The following PARD3 variants were observed in gnomAD, a reference collection of about 807,000 sequenced individuals.
PARD3 encodes the protein par-3 family cell polarity regulator.
PARD3 carries 75 observed loss-of-function variants against 155.4 expected under a neutral mutation model. The observed-to-expected ratio is 0.48, with a 90% CI of 0.40 to 0.58. The LOEUF is 0.58. Ranked by LOEUF, PARD3 falls within the 20% of genes least tolerant of loss-of-function variation. PARD3 has a pLI of 0.00. For missense variants in PARD3, 1,642 were observed against 1,721.7 expected, an observed-to-expected ratio of 0.95 and a Z score of 0.82; for synonymous variants, 576 against 610.5, an observed-to-expected ratio of 0.94 and a Z score of 0.83.
intron 1 of PARD3, among the ~76,000 whole-genome samples, chr10:34,796,680 T>G (rs1463617108): frequency 1.3e-5 from 2 of 152,212 alleles, no homozygotes; most frequent in African/African-American, 2.4e-5. Context: ...GCCCTGAAAG[T>G]ACCCTTGAAG....
chr10:34,744,511 T>C (rs191930237), intron 1 of PARD3, among the ~76,000 whole-genome samples: 1 of 152,376 alleles, frequency 6.6e-6, no homozygotes. Context: ...CACCTGCTAA[T>C]GCCCAGCAAC....
At chr10:34,141,033 C>A (rs2132863223) in intron 22 of PARD3, among the ~76,000 whole-genome samples, 1 of 152,184 alleles carries the variant, frequency 6.6e-6, no homozygotes, top group Non-Finnish European at 1.5e-5. Context: ...TTGTTATAGT[C>A]TTTGCATTTT....
chr10:34,624,994 GAAA>G (rs1213608722), intron 2 of PARD3, among the ~76,000 whole-genome samples: 1 of 152,194 alleles, frequency 6.6e-6, no homozygotes, highest in Non-Finnish European at 1.5e-5. Context: ...CAAGAGCTAA[GAAA>G]GGTGACCTCT....
At chr10:34,318,194 C>T (rs1201306746) in intron 19 of PARD3, among the ~76,000 whole-genome samples, 1 of 152,180 alleles carries the variant, frequency 6.6e-6, no homozygotes, top group East Asian at 1.9e-4. Flanking sequence ...CGACAAGTAA[C>T]TGAAGTAAGT....
chr10:34,260,646 G>A (rs2133801617), intron 22 of PARD3, among the ~76,000 whole-genome samples: 1 of 152,278 alleles, frequency 6.6e-6, no homozygotes, highest in African/African-American at 2.4e-5. Context: ...GTTGGATGGA[G>A]CACATTAATT....
At chr10:34,597,773 C>A (rs544220016) in intron 2 of PARD3, among the ~76,000 whole-genome samples, 1 of 152,076 alleles carries the variant, frequency 6.6e-6, no homozygotes, top group Non-Finnish European at 1.5e-5. Flanking sequence ...GGGGACCACA[C>A]CTTGACCCTG....
chr10:34,544,132 A>C (rs952886347), intron 2 of PARD3, among the ~76,000 whole-genome samples: 2 of 152,202 alleles, frequency 1.3e-5, no homozygotes. Flanking sequence ...AAAGGATCCT[A>C]GCCTAACTTT....
intron 5 of PARD3, among the ~76,000 whole-genome samples, chr10:34,424,199 G>A (rs1241328603): frequency 1.3e-5 from 2 of 152,148 alleles, no homozygotes; most frequent in Admixed American, 6.6e-5. Flanking sequence ...AGCAATGCAT[G>A]CAGGGGATGA....
Position 34,137,539 on chromosome 10 carries a change from G to C in PARD3, c.3420-5956C>G, listed in dbSNP as rs552590124. On this transcript the variant is annotated intron_variant, in intron 22 of 24. Transcript: ENST00000374788. ...TGTGTTGTTTTAAGCTGCAAAGTTT[G>C]TGTTACTTTGTTTTGTAGCAAAAGA... Among the ~76,000 whole-genome samples the C allele has an allele frequency of 3.3e-5, 5 of 152,340 alleles. No homozygotes were observed. The East Asian group carries it at 9.6e-4, about 29-fold the overall frequency.
At chr10:34,665,906 A>AGAACAGAACAGAACAAAAAG (rs1554804216) in intron 2 of PARD3, among the ~76,000 whole-genome samples, 7 of 147,260 alleles carry the variant, frequency 4.8e-5, no homozygotes, top group East Asian at 2.0e-4. Context: ...AGAACAGAAC[A>AGAACAGAACAGAACAAAAAG]AAAAGAAAAG....
chr10:34,211,372 C>G lies in PARD3; in HGVS notation c.3419+58285G>C, dbSNP rs760740426. On this transcript the variant is annotated intron_variant, in intron 22 of 24. Coordinates refer to ENST00000374788, the MANE Select transcript of PARD3 (RefSeq NM_001184785.2). Reference sequence around the variant, plus strand: ...CTCTTTCAGATCACAGTTAGGCCAGCGGGAAGGGAGTGAGGATACACTTAC... The same window carrying G: ...CTCTTTCAGATCACAGTTAGGCCAGGGGGAAGGGAGTGAGGATACACTTAC... Among the ~76,000 whole-genome samples, 4 of 152,122 alleles carry G rather than the reference C, an allele frequency of 2.6e-5. No homozygotes were observed. In the South Asian group the frequency reaches 8.3e-4, roughly 32 times the overall value.
chr10:34,421,065 C>T (rs1236468470), intron 5 of PARD3, among the ~76,000 whole-genome samples: 1 of 152,112 alleles, frequency 6.6e-6, no homozygotes, highest in African/African-American at 2.4e-5. Flanking sequence ...GTTCCAGCTA[C>T]TCAAGAGGCT....
chr10:34,230,081 C>A (rs1055327495), intron 22 of PARD3, among the ~76,000 whole-genome samples: 20 of 152,110 alleles, frequency 1.3e-4, no homozygotes, highest in Admixed American at 1.2e-3. Context: ...TATGAATAAC[C>A]TTTCCTTGCC....
intron 2 of PARD3, among the ~76,000 whole-genome samples, chr10:34,687,482 C>T (rs1782245128): frequency 6.6e-6 from 1 of 152,174 alleles, no homozygotes; most frequent in African/African-American, 2.4e-5. Flanking sequence ...CAGCAATCTC[C>T]ACCACAATCC....
chr10:34,570,072 T>G (rs2086266763), intron 2 of PARD3, among the ~76,000 whole-genome samples: 1 of 152,230 alleles, frequency 6.6e-6, no homozygotes, highest in Non-Finnish European at 1.5e-5. Context: ...ATAGTACATC[T>G]ATCTAATCCT....
At chr10:34,333,087 T>C (rs60771200) in intron 18 of PARD3, among the ~76,000 whole-genome samples, 14,080 of 152,144 alleles carry the variant, frequency 0.093, 1,495 homozygotes, top group African/African-American at 0.26. Context: ...TTGGCTTCCA[T>C]ACACATGTAT....
intron 1 of PARD3, among the ~76,000 whole-genome samples, chr10:34,744,751 C>CA (rs917591465): frequency 3.3e-5 from 5 of 152,068 alleles, no homozygotes; most frequent in African/African-American, 4.8e-5. Context: ...AATAATTGAA[C>CA]AAAAAAACTG....
chr10:34,312,329 C>A, intron 20 of PARD3: 2 of 1,611,774 alleles, frequency 1.2e-6, no homozygotes. Flanking sequence ...CTGTTCAAGA[C>A]ATGTTTTGAA....
intron 1 of PARD3, among the ~76,000 whole-genome samples, chr10:34,723,429 T>C (rs2094641490): frequency 6.6e-6 from 1 of 152,162 alleles, no homozygotes; most frequent in African/African-American, 2.4e-5. Flanking sequence ...AGAAGCAAAG[T>C]CACTATGTTT....
Sources: gnomAD v4.1 joint callset for allele counts (sites outside exome capture counted in the v4.1 genomes callset) on GRCh38, gnomAD v4.1.1 for gene constraint, MANE v1.5 for transcripts, NCBI Gene and HGNC (gene_info 2026-07-23, HGNC 2026-07-21) for gene names.